TCERG1L: variants seen among roughly 807,000 people sequenced by gnomAD.
TCERG1L encodes the protein transcription elongation regulator 1-like protein.
A neutral mutation model predicts 56.3 loss-of-function variants in TCERG1L; 37 were observed. The ratio of observed to expected loss-of-function variants is 0.66; its 90% CI spans 0.51 to 0.87. TCERG1L has a LOEUF of 0.87. TCERG1L is among the 40% of genes least tolerant of loss of function. The pLI is 0.00. For synonymous variants in TCERG1L, 324 were observed against 326.3 expected (o/e 0.99, Z 0.08); for missense variants, 799 against 774.2 (o/e 1.03, Z -0.38).
chr10:131,261,382 C>T (rs1028091041), intron 3 of TCERG1L, among the ~76,000 whole-genome samples: 6 of 152,216 alleles, frequency 3.9e-5, no homozygotes, highest in African/African-American at 1.4e-4. Flanking sequence ...TGATCTGGCA[C>T]GTCCTGTCGT....
chr10:131,150,555 C>A (rs1011098424), intron 6 of TCERG1L, among the ~76,000 whole-genome samples: 1 of 152,164 alleles, frequency 6.6e-6, no homozygotes, highest in African/African-American at 2.4e-5. Context: ...TCCTGAACAC[C>A]CAGGGGTGAG....
chr10:131,175,042 C>T (rs560201768), intron 4 of TCERG1L, among the ~76,000 whole-genome samples: 8 of 152,316 alleles, frequency 5.3e-5, no homozygotes, highest in African/African-American at 1.9e-4. Flanking sequence ...GTCTGTCTGA[C>T]CAGCAGATCT....
At chr10:131,128,007 C>A (rs772646609) in intron 8 of TCERG1L, among the ~76,000 whole-genome samples, 3 of 151,648 alleles carry the variant, frequency 2.0e-5, no homozygotes, top group Non-Finnish European at 2.9e-5. Flanking sequence ...CAAAAAGAAG[C>A]TAAATAGTAA....
At chr10:131,100,868 T>C (rs1440354293) in intron 10 of TCERG1L, among the ~76,000 whole-genome samples, 2 of 152,196 alleles carry the variant, frequency 1.3e-5, no homozygotes, top group Non-Finnish European at 2.9e-5. Context: ...CCATTCCTCA[T>C]ACGAGCTGCC....
At chr10:131,295,064 A>C (rs1284522019) in intron 3 of TCERG1L, among the ~76,000 whole-genome samples, 4 of 151,972 alleles carry the variant, frequency 2.6e-5, no homozygotes, top group African/African-American at 9.7e-5. Context: ...AGAATGTCAC[A>C]AAAGTGGAAT....
chr10:131,276,794 C>T (rs375723024), intron 3 of TCERG1L, among the ~76,000 whole-genome samples: 11 of 152,138 alleles, frequency 7.2e-5, no homozygotes, highest in African/African-American at 2.4e-4. Context: ...CTGTCCGGGA[C>T]GGTAGACAGG....
chr10:131,196,573 T>C (rs1280900359), intron 4 of TCERG1L, among the ~76,000 whole-genome samples: 2 of 152,152 alleles, frequency 1.3e-5, no homozygotes, highest in African/African-American at 4.8e-5. Flanking sequence ...TCCTGAAAAC[T>C]CTATGATCAG....
intron 4 of TCERG1L, among the ~76,000 whole-genome samples, chr10:131,200,081 C>T (rs1310422536): frequency 1.3e-5 from 2 of 152,210 alleles, no homozygotes; most frequent in Non-Finnish European, 2.9e-5. Flanking sequence ...TCACCAGGAT[C>T]GTCCTTAATG....
At chr10:131,169,894 G>C (rs755427999) in intron 4 of TCERG1L, among the ~76,000 whole-genome samples, 2 of 152,006 alleles carry the variant, frequency 1.3e-5, no homozygotes, top group Non-Finnish European at 2.9e-5. Context: ...CCATTACCTT[G>C]AGAAAACATA....
intron 10 of TCERG1L, among the ~76,000 whole-genome samples, chr10:131,102,083 C>T (rs1589774747): frequency 6.6e-6 from 1 of 152,110 alleles, no homozygotes; most frequent in Non-Finnish European, 1.5e-5. Context: ...TTTTCCTTTG[C>T]TATAGGAAAA....
chr10:131,287,458 T>C (rs111393729), intron 3 of TCERG1L, among the ~76,000 whole-genome samples: 9 of 152,196 alleles, frequency 5.9e-5, no homozygotes, highest in African/African-American at 1.7e-4. Flanking sequence ...TGTTGGTAAA[T>C]ACAAATCTCA....
At chr10:131,277,003 T>C (rs1466515698) in intron 3 of TCERG1L, among the ~76,000 whole-genome samples, 1 of 152,250 alleles carries the variant, frequency 6.6e-6, no homozygotes, top group Non-Finnish European at 1.5e-5. Context: ...TGTTGAGTTG[T>C]CATGTCAATA....
chr10:131,125,457 G>C lies in TCERG1L; in HGVS notation c.1260-8523C>G, dbSNP rs79720164. 4.0e-3 allele frequency among the ~76,000 whole-genome samples: 607 copies of C among 152,350 alleles called. 2 individuals are homozygous for C. The highest frequency in any genetic ancestry group is 0.014 in the African/African-American group (576 of 41,580). ...GTTAGACACAATGTGAAATTCTGCA[G>C]GAATCAAAGTTTCTGTGAATCTTTT... On this transcript the variant is annotated intron_variant, in intron 8 of 11. Transcript: ENST00000368642.
At chr10:131,280,888 C>T (rs1348070116) in intron 3 of TCERG1L, among the ~76,000 whole-genome samples, 1 of 152,170 alleles carries the variant, frequency 6.6e-6, no homozygotes, top group Non-Finnish European at 1.5e-5. Flanking sequence ...CTGTCCTTTT[C>T]GTCTGTCAGG....
rs191617321 is a variant in TCERG1L, at chr10:131,299,722, T to C, written c.670+8489A>G. On this transcript the variant is annotated intron_variant, in intron 3 of 11. Transcript: ENST00000368642. The stretch of plus-strand genomic sequence containing the variant: ...GTGAATTTAAAGACATACTTATATC[T>C]TCAAAAGGTATAAAGTATGTCTTTA... Among the ~76,000 whole-genome samples, 419 of 152,232 alleles carry C rather than the reference T, an allele frequency of 2.8e-3. 4 individuals carry two copies. Among genetic ancestry groups the C allele is most frequent in the African/African-American group, 9.5e-3 (396 of 41,570 alleles).
intron 4 of TCERG1L, among the ~76,000 whole-genome samples, chr10:131,219,088 C>T (rs1845703369): frequency 6.6e-6 from 1 of 152,176 alleles, no homozygotes; most frequent in Non-Finnish European, 1.5e-5. Context: ...CTCCAGCCTC[C>T]AGGACTCCTC....
At chr10:131,290,563 G>C in intron 3 of TCERG1L, among the ~76,000 whole-genome samples, 1 of 150,318 alleles carries the variant, frequency 6.7e-6, no homozygotes, top group Admixed American at 6.6e-5. Flanking sequence ...CCCACGAGGC[G>C]GAGGTTGCAG....
At chr10:131,309,976 A>T (rs916817617) in intron 1 of TCERG1L, among the ~76,000 whole-genome samples, 1 of 152,026 alleles carries the variant, frequency 6.6e-6, no homozygotes, top group Non-Finnish European at 1.5e-5. Context: ...CTCATAAGGC[A>T]CTAATAAAAT....
At chr10:131,235,698 C>G (rs998649466) in intron 4 of TCERG1L, among the ~76,000 whole-genome samples, 1 of 152,010 alleles carries the variant, frequency 6.6e-6, no homozygotes, top group African/African-American at 2.4e-5. Flanking sequence ...ATAATATAAC[C>G]CTGTTCATGC....
Sources: gnomAD v4.1 joint callset for allele counts (sites outside exome capture counted in the v4.1 genomes callset) on GRCh38, gnomAD v4.1.1 for gene constraint, MANE v1.5 for transcripts, NCBI Gene and HGNC (gene_info 2026-07-23, HGNC 2026-07-21) for gene names.